The following MYCBP2 variants were observed in gnomAD, a reference collection of about 807,000 sequenced individuals.
MYCBP2 encodes the protein E3 ubiquitin-protein ligase MYCBP2.
A neutral mutation model predicts 525.3 loss-of-function variants in MYCBP2; 120 were observed. That is an observed-to-expected ratio of 0.23 (90% confidence interval 0.20 to 0.27). The LOEUF (loss-of-function observed/expected upper bound fraction) is 0.27, where lower values mean the gene tolerates loss of function less well. Ranked by LOEUF, MYCBP2 falls within the 10% of genes least tolerant of loss-of-function variation. The pLI is 1.00. For missense variants in MYCBP2, 4,149 were observed against 5,657.1 expected (o/e 0.73, Z 8.55); for synonymous variants, 1,894 against 1,955.8 (o/e 0.97, Z 0.83).
chr13:77,048,123 T>TA (rs1441692847), intron 82 of MYCBP2, among the ~76,000 whole-genome samples: 1 of 152,044 alleles, frequency 6.6e-6, no homozygotes, highest in African/African-American at 2.4e-5. Flanking sequence ...GTTATGGTGT[T>TA]AGGAGGTGGA....
intron 55 of MYCBP2, among the ~76,000 whole-genome samples, chr13:77,106,178 T>C (rs1193746172): frequency 6.6e-6 from 1 of 152,136 alleles, no homozygotes; most frequent in Non-Finnish European, 1.5e-5. Flanking sequence ...CTGGAGGTTT[T>C]GGGATTTTAA....
At chr13:77,291,874 A>G (rs2077517410) in intron 2 of MYCBP2, among the ~76,000 whole-genome samples, 1 of 152,162 alleles carries the variant, frequency 6.6e-6, no homozygotes, top group African/African-American at 2.4e-5. Context: ...CCCCAAGGAA[A>G]CCATGATTGA....
rs895710807 is a variant in MYCBP2 at position 77,045,063 on chromosome 13, G to A, written c.*315C>T. The A allele has an allele frequency of 3.9e-5, 16 of 410,754 alleles. No homozygotes were observed. The highest frequency in any genetic ancestry group is 2.5e-4 in the African/African-American group (12 of 48,802). 25.4% of individuals were successfully genotyped at this position (410,754 alleles called of 1,614,324 possible). On this transcript the variant is annotated 3_prime_UTR_variant, in exon 83 of 83. Coordinates refer to ENST00000544440, the MANE Select transcript of MYCBP2 (RefSeq NM_015057.5). ...AAGCCAGCATCGTTCTTAGTCCATG[G>A]GCATGGCGATTCTTTTATATCAATT...
chr13:77,054,983 T>A (rs1280491606), intron 80 of MYCBP2, among the ~76,000 whole-genome samples: 1 of 152,142 alleles, frequency 6.6e-6, no homozygotes, highest in African/African-American at 2.4e-5. Context: ...GTTGGTTATT[T>A]GTAACTAAAT....
At chr13:77,321,729 A>T (rs2081652116) in intron 1 of MYCBP2, among the ~76,000 whole-genome samples, 1 of 152,228 alleles carries the variant, frequency 6.6e-6, no homozygotes, top group East Asian at 1.9e-4. Flanking sequence ...ATAGTAGGTT[A>T]TACTTTCTTG....
At chr13:77,162,375 C>A (rs2058037908) in intron 43 of MYCBP2, among the ~76,000 whole-genome samples, 1 of 152,214 alleles carries the variant, frequency 6.6e-6, no homozygotes, top group Non-Finnish European at 1.5e-5. Context: ...AAGGCAGTGA[C>A]TGCATCCCCT....
chr13:77,136,396 A>G (rs2053770458), intron 52 of MYCBP2, among the ~76,000 whole-genome samples: 1 of 152,194 alleles, frequency 6.6e-6, no homozygotes, highest in African/African-American at 2.4e-5. Context: ...CTAGGATTTT[A>G]TTAAATCTTC....
At chr13:77,189,335 G>A (rs1050809117) in intron 29 of MYCBP2, among the ~76,000 whole-genome samples, 1 of 152,020 alleles carries the variant, frequency 6.6e-6, no homozygotes, top group Non-Finnish European at 1.5e-5. Flanking sequence ...ATATTCTCTA[G>A]TAATGCTACT....
Position 77,278,922 on chromosome 13 carries a change from G to T in MYCBP2, c.595-11C>A. 1 of 1,539,484 alleles carries T rather than the reference G, an allele frequency of 6.5e-7. No individual in the cohort carries two copies. Among genetic ancestry groups the T allele is most frequent in the South Asian group, 1.3e-5 (1 of 78,600 alleles). On this transcript the variant is annotated splice_polypyrimidine_tract_variant and intron_variant, in intron 3 of 82. Coordinates refer to ENST00000544440, the MANE Select transcript of MYCBP2 (RefSeq NM_015057.5). ...GCCAACCTCAATAATCTATTTAAAA[G>T]GAAAAAATATATATACTTTATGACA...
intron 56 of MYCBP2, among the ~76,000 whole-genome samples, chr13:77,096,912 T>C (rs2046341467): frequency 6.6e-6 from 1 of 152,150 alleles, no homozygotes; most frequent in South Asian, 2.1e-4. Context: ...TATTAGTCAA[T>C]GTTACAGAAA....
intron 14 of MYCBP2, 79 bp downstream of exon 14, chr13:77,257,592 C>A: frequency 2.2e-6 from 3 of 1,355,372 alleles, no homozygotes; most frequent in Non-Finnish European, 2.9e-6. Flanking sequence ...TTGAAAAGAA[C>A]AAGACTTTTC....
chr13:77,232,260 ACATGGAAAG>A (rs2067237524), intron 18 of MYCBP2, among the ~76,000 whole-genome samples: 1 of 152,228 alleles, frequency 6.6e-6, no homozygotes. Context: ...TAATTTGTCT[ACATGGAAAG>A]CATGTTTTTA....
In MYCBP2 at chr13:77,240,640, A is replaced by T. The variant is rs2154313236; in HGVS notation, c.2629+2419T>A. On this transcript the variant is annotated intron_variant, in intron 17 of 82. Coordinates refer to ENST00000544440, the MANE Select transcript of MYCBP2 (RefSeq NM_015057.5). The stretch of plus-strand genomic sequence containing the variant: ...ATAAATAAATAAACAAACAAACAAA[A>T]CATACAAGCAGGCATCACTTTGCAT... Among the ~76,000 whole-genome samples, 3 of 152,130 alleles carry T rather than the reference A, an allele frequency of 2.0e-5. No individual in the cohort carries two copies. In the South Asian group the frequency reaches 6.2e-4, roughly 32 times the overall value.
chr13:77,313,216 C>A (rs1228559872), intron 1 of MYCBP2, among the ~76,000 whole-genome samples: 1 of 151,682 alleles, frequency 6.6e-6, no homozygotes, highest in Non-Finnish European at 1.5e-5. Context: ...TAAAGCACAG[C>A]CCAGATAAAA....
chr13:77,077,508 G>A (rs1566416732), intron 66 of MYCBP2, 121 bp from the exon 67 acceptor site: 18 of 1,208,134 alleles, frequency 1.5e-5, no homozygotes, highest in Non-Finnish European at 1.7e-5. Flanking sequence ...TAAAGGTTAT[G>A]AGGTTATTTC....
intron 72 of MYCBP2, 37 bp downstream of exon 72, chr13:77,065,955 C>T (rs767709152): frequency 1.3e-5 from 19 of 1,509,328 alleles, no homozygotes; most frequent in Middle Eastern, 1.7e-4. Flanking sequence ...AGCTTCCTGC[C>T]GCACTTCACT....
At chr13:77,250,300 C>T (rs1486760431) in intron 15 of MYCBP2, among the ~76,000 whole-genome samples, 3 of 151,726 alleles carry the variant, frequency 2.0e-5, no homozygotes, top group Non-Finnish European at 4.4e-5. Flanking sequence ...CTATGAAAGG[C>T]CAAATATAAA....
chr13:77,242,195 G>T (rs992742223), intron 17 of MYCBP2, among the ~76,000 whole-genome samples: 2 of 152,096 alleles, frequency 1.3e-5, no homozygotes, highest in Non-Finnish European at 2.9e-5. Flanking sequence ...CTCACTGCAA[G>T]CTCCACCTGC....
chr13:77,216,749 AT>A (rs1434530471), intron 21 of MYCBP2, among the ~76,000 whole-genome samples: 1 of 152,214 alleles, frequency 6.6e-6, no homozygotes, highest in Non-Finnish European at 1.5e-5. Flanking sequence ...AATGTTACAG[AT>A]TAAAGGAGAC....
Sources: allele counts gnomAD v4.1 joint callset (sites outside exome capture counted in the v4.1 genomes callset), GRCh38; gene constraint gnomAD v4.1.1; transcripts MANE v1.5; gene names NCBI Gene and HGNC (gene_info 2026-07-23, HGNC 2026-07-21).